The following CFAP221 variants were observed in gnomAD, a reference collection of about 807,000 sequenced individuals.
CFAP221 encodes cilia- and flagella-associated protein 221.
A neutral mutation model predicts 113.1 loss-of-function variants in CFAP221; 97 were observed. That is an observed-to-expected ratio of 0.86 (90% CI 0.73 to 1.02). The LOEUF (loss-of-function observed/expected upper bound fraction) is 1.02. Among genes scored for constraint, CFAP221 ranks in the 50% least tolerant of loss-of-function variants. CFAP221 has a pLI of 0.00. For missense variants in CFAP221, 1,025 were observed against 1,013.4 expected, an observed-to-expected ratio of 1.01 and a Z score of -0.16; for synonymous variants, 331 against 354.4, an observed-to-expected ratio of 0.93 and a Z score of 0.74.
Position 119,614,725 on chromosome 2 carries a change from GACACAGCCA to G in CFAP221, c.1312-884_1312-876del, listed in dbSNP as rs576318589. The stretch of plus-strand genomic sequence containing the variant: ...CAATTCAAGATGAGATTTGGGTGGG[GACACAGCCA>G]AACCATATCACTGGTTAAAAGTCCA... On this transcript the variant is annotated intron_variant, in intron 13 of 23. Transcript: ENST00000413369. 4.6e-5 allele frequency among the ~76,000 whole-genome samples: 7 copies of G among 152,244 alleles called. No homozygotes were observed. In the East Asian group the frequency reaches 1.3e-3, roughly 29 times the overall value.
At chr2:119,559,830 C>A in intron 4 of CFAP221, 55 bp downstream of exon 4, 1 of 1,479,880 alleles carries the variant, frequency 6.8e-7, no homozygotes, top group African/African-American at 1.4e-5. Flanking sequence ...GCGTCTCAGG[C>A]CTGTGTGGGG....
intron 17 of CFAP221, 107 bp from the exon 18 acceptor site, chr2:119,630,463 T>C: frequency 2.5e-6 from 2 of 795,296 alleles, no homozygotes; most frequent in Non-Finnish European, 4.1e-6. Context: ...AACATGGTGC[T>C]TGTCTTACTT....
intron 11 of CFAP221, among the ~76,000 whole-genome samples, chr2:119,606,408 TGAAGCCC>T (rs1684768300): frequency 6.6e-6 from 1 of 152,070 alleles, no homozygotes; most frequent in Non-Finnish European, 1.5e-5. Flanking sequence ...CGCCCTCACC[TGAAGCCC>T]TCTGAAGGTG....
intron 7 of CFAP221, among the ~76,000 whole-genome samples, chr2:119,599,458 G>A (rs1574094750): frequency 6.6e-6 from 1 of 152,186 alleles, no homozygotes; most frequent in East Asian, 1.9e-4. Context: ...TAATGAGCAG[G>A]TGCCTGCTTT....
In CFAP221 at chr2:119,646,982, G is replaced by C; in HGVS notation, c.2250G>C (p.Met750Ile). 1 of 1,613,742 alleles carries C rather than the reference G, an allele frequency of 6.2e-7. No individual in the cohort carries two copies. The highest frequency in any genetic ancestry group is 1.1e-5 in the South Asian group (1 of 91,076). Residue 750 changes from methionine (M) to isoleucine (I), a missense_variant, in exon 22 of 24, where the codon ATG becomes ATC. Transcript: ENST00000413369. The stretch of plus-strand genomic sequence containing the variant: ...GCTGCGATTCCTTCAATTCATTTAT[G>C]CTTCCGATAGACGTCCCTGCCATCC... ...TKSCDSFNSF[M>I]LPIDVPAILD... is the part of the protein sequence containing the mutation.
intron 11 of CFAP221, among the ~76,000 whole-genome samples, chr2:119,607,285 C>A (rs996660000): frequency 2.0e-5 from 3 of 152,178 alleles, no homozygotes; most frequent in Admixed American, 1.3e-4. Flanking sequence ...AGTCCCCACA[C>A]CCGGCCCATA....
chr2:119,639,365 G>T (rs537584902), intron 20 of CFAP221, among the ~76,000 whole-genome samples: 2 of 152,168 alleles, frequency 1.3e-5, no homozygotes, highest in Admixed American at 1.3e-4. Context: ...CAGCCCAGCC[G>T]GGGGTCTCCT....
At chr2:119,658,224 A>G (rs1013611424), downstream of CFAP221, among the ~76,000 whole-genome samples, 3 of 152,204 alleles carry the variant, frequency 2.0e-5, no homozygotes, top group African/African-American at 4.8e-5. Context: ...AGATTTTTAT[A>G]TCAGCATGGA....
intron 6 of CFAP221, among the ~76,000 whole-genome samples, chr2:119,583,569 T>C (rs539870990): frequency 5.3e-4 from 80 of 152,246 alleles, no homozygotes; most frequent in African/African-American, 1.9e-3. Flanking sequence ...AATCCAAAAG[T>C]AGCATTGCAA....
intron 3 of CFAP221, among the ~76,000 whole-genome samples, chr2:119,559,292 G>A (rs1681047351): frequency 1.3e-5 from 2 of 152,140 alleles, no homozygotes; most frequent in South Asian, 2.1e-4. Context: ...TAAACCAGTG[G>A]CATGTAATTA....
chr2:119,555,459 A>G (rs1205907808), intron 3 of CFAP221, among the ~76,000 whole-genome samples: 2 of 152,204 alleles, frequency 1.3e-5, no homozygotes, highest in Admixed American at 6.5e-5. Context: ...TTTAACATAC[A>G]CTTTCTAAGC....
chr2:119,621,895 G>C (rs1685947558), intron 14 of CFAP221, among the ~76,000 whole-genome samples: 1 of 152,172 alleles, frequency 6.6e-6, no homozygotes, highest in South Asian at 2.1e-4. Context: ...GTAATGTTTA[G>C]AGGGAAATTT....
chr2:119,652,114 AAATTTGT>A, intron 23 of CFAP221, 45 bp downstream of exon 23: 1 of 1,501,392 alleles, frequency 6.7e-7, no homozygotes, highest in South Asian at 1.2e-5. Flanking sequence ...ATCTTGGATG[AAATTTGT>A]TCTGCATAAA....
At chr2:119,605,978 A>G (rs967433890) in intron 11 of CFAP221, among the ~76,000 whole-genome samples, 15 of 152,268 alleles carry the variant, frequency 9.9e-5, no homozygotes, top group Non-Finnish European at 2.2e-4. Flanking sequence ...AATGTCTAGT[A>G]ACTGATAAAT....
intron 21 of CFAP221, among the ~76,000 whole-genome samples, chr2:119,644,276 A>G (rs1008463926): frequency 5.9e-5 from 9 of 152,202 alleles, no homozygotes; most frequent in African/African-American, 2.2e-4. Context: ...CACACAAAAA[A>G]AGTGAGAGGA....
At chr2:119,634,108 G>A (rs562556195) in intron 19 of CFAP221, among the ~76,000 whole-genome samples, 35 of 151,914 alleles carry the variant, frequency 2.3e-4, no homozygotes, top group African/African-American at 6.0e-4. Flanking sequence ...ACCCTGTCTC[G>A]AATAATAATA....
chr2:119,591,515 C>T (rs987278736), intron 7 of CFAP221, among the ~76,000 whole-genome samples: 1 of 152,240 alleles, frequency 6.6e-6, no homozygotes, highest in Non-Finnish European at 1.5e-5. Flanking sequence ...AGCCGCATGC[C>T]AGGTGCTGTG....
intron 12 of CFAP221, 49 bp downstream of exon 12, chr2:119,608,638 A>G: frequency 2.7e-6 from 4 of 1,497,130 alleles, no homozygotes; most frequent in Non-Finnish European, 3.7e-6. Flanking sequence ...AGATGTTTTT[A>G]AATTCCTACT....
intron 7 of CFAP221, among the ~76,000 whole-genome samples, chr2:119,599,625 G>A (rs1405543005): frequency 1.3e-5 from 2 of 152,176 alleles, no homozygotes; most frequent in African/African-American, 4.8e-5. Context: ...AGGAGCCAAT[G>A]AAAAGGGATT....
Sources: allele counts gnomAD v4.1 joint callset (sites outside exome capture counted in the v4.1 genomes callset), GRCh38; gene constraint gnomAD v4.1.1; transcripts MANE v1.5; gene names NCBI Gene and HGNC (gene_info 2026-07-23, HGNC 2026-07-21).